The following CSTPP1 variants were observed in gnomAD, a reference collection of about 807,000 sequenced individuals.
CSTPP1 encodes the protein UPF0705 protein C11orf49.
the CSTPP1 span, among the ~76,000 whole-genome samples, chr11:47,087,053 T>C: frequency 6.6e-6 from 1 of 152,170 alleles, no homozygotes; most frequent in African/African-American, 2.4e-5. Flanking sequence ...CTGGATGATA[T>C]AGGCTGGTTG....
chr11:47,043,739 C>T, the CSTPP1 span, among the ~76,000 whole-genome samples: 2 of 152,028 alleles, frequency 1.3e-5, no homozygotes, highest in African/African-American at 4.8e-5. Flanking sequence ...CACCTGTAAT[C>T]CTGGCATTTT....
chr11:47,082,844 G>C, the CSTPP1 span, among the ~76,000 whole-genome samples: 1 of 152,116 alleles, frequency 6.6e-6, no homozygotes, highest in African/African-American at 2.4e-5. Context: ...ATGGGCTTCT[G>C]TATTTGGTTT....
chr11:46,937,700 G>A, the CSTPP1 span, among the ~76,000 whole-genome samples: 11 of 152,102 alleles, frequency 7.2e-5, no homozygotes, highest in Non-Finnish European at 1.3e-4. Context: ...ACCTCGCCCG[G>A]CTACTTTTTT....
the CSTPP1 span, among the ~76,000 whole-genome samples, chr11:47,140,457 CTGT>C: frequency 6.6e-6 from 1 of 152,176 alleles, no homozygotes; most frequent in East Asian, 1.9e-4. Flanking sequence ...GAATCTCACT[CTGT>C]AGCCCAGGCT....
At chr11:46,963,541 G>A in the CSTPP1 span, among the ~76,000 whole-genome samples, 6 of 151,968 alleles carry the variant, frequency 3.9e-5, no homozygotes, top group South Asian at 2.1e-4. Context: ...GGCCGGGCGC[G>A]AGAAGGCCTG....
At chr11:47,066,712 T>C in the CSTPP1 span, among the ~76,000 whole-genome samples, 1 of 152,244 alleles carries the variant, frequency 6.6e-6, no homozygotes, top group African/African-American at 2.4e-5. Flanking sequence ...TTTTAATTCA[T>C]GGTCGGAGGA....
chr11:47,131,520 A>T, the CSTPP1 span, among the ~76,000 whole-genome samples: 1 of 152,258 alleles, frequency 6.6e-6, no homozygotes, highest in Non-Finnish European at 1.5e-5. Flanking sequence ...AAGTAAATTC[A>T]TCTAACACTC....
the CSTPP1 span, among the ~76,000 whole-genome samples, chr11:47,163,694 G>A: frequency 6.6e-6 from 1 of 152,070 alleles, no homozygotes; most frequent in Non-Finnish European, 1.5e-5. Context: ...CCAAGCTGGG[G>A]TGCAGTGGCG....
the CSTPP1 span, among the ~76,000 whole-genome samples, chr11:47,036,369 G>A: frequency 9.7e-6 from 1 of 103,602 alleles, no homozygotes; most frequent in Non-Finnish European, 2.2e-5. Flanking sequence ...ATAATATACC[G>A]TACTGCAGGG....
chr11:47,063,811 C>T, the CSTPP1 span, among the ~76,000 whole-genome samples: 1 of 151,992 alleles, frequency 6.6e-6, no homozygotes, highest in Non-Finnish European at 1.5e-5. Context: ...CTTTCTAGTC[C>T]CTGCTTTCCA....
chr11:47,078,871 T>C, the CSTPP1 span, among the ~76,000 whole-genome samples: 1 of 152,146 alleles, frequency 6.6e-6, no homozygotes, highest in Non-Finnish European at 1.5e-5. Flanking sequence ...AAAATGATTA[T>C]CCAGTAGCCA....
chr11:46,965,665 A>G, the CSTPP1 span, among the ~76,000 whole-genome samples: 1 of 152,250 alleles, frequency 6.6e-6, no homozygotes, highest in Non-Finnish European at 1.5e-5. Context: ...TTGCTTTTGC[A>G]TTCAGACTGT....
the CSTPP1 span, among the ~76,000 whole-genome samples, chr11:47,080,730 C>G: frequency 6.6e-6 from 1 of 151,890 alleles, no homozygotes; most frequent in African/African-American, 2.4e-5. Flanking sequence ...TAATAAGGGC[C>G]AGGTGCAGTG....
At chr11:46,997,503 TC>T in the CSTPP1 span, among the ~76,000 whole-genome samples, 1 of 152,330 alleles carries the variant, frequency 6.6e-6, no homozygotes, top group South Asian at 2.1e-4. Context: ...GATTCGGACA[TC>T]CTCCTTTAGC....
the CSTPP1 span, among the ~76,000 whole-genome samples, chr11:47,149,363 CCTCTGGCAGGA>C: frequency 6.6e-6 from 1 of 152,192 alleles, no homozygotes; most frequent in Non-Finnish European, 1.5e-5. Context: ...TAGCAGAAGG[CCTCTGGCAGGA>C]AGGGGTGTTG....
At chr11:47,151,925 C>G in the CSTPP1 span, among the ~76,000 whole-genome samples, 3 of 151,758 alleles carry the variant, frequency 2.0e-5, no homozygotes, top group Non-Finnish European at 4.4e-5. Context: ...AAGACCCACC[C>G]GTAGGACTGT....
At chr11:46,960,952 C>T in the CSTPP1 span, among the ~76,000 whole-genome samples, 72 of 152,302 alleles carry the variant, frequency 4.7e-4, no homozygotes, top group African/African-American at 1.6e-3. Context: ...GGGTACATCA[C>T]ATTTTGTTTA....
At chr11:47,029,594 C>T in the CSTPP1 span, among the ~76,000 whole-genome samples, 2 of 149,598 alleles carry the variant, frequency 1.3e-5, no homozygotes, top group East Asian at 2.0e-4. Context: ...CCAGCCTGGG[C>T]GACAGAGTGA....
At chr11:47,161,723 C>G in the CSTPP1 span, 22 of 1,502,530 alleles carry the variant, frequency 1.5e-5, no homozygotes, top group South Asian at 2.9e-4. Context: ...TCTCCAGCAC[C>G]TTGCTGTGCT....
Sources: gnomAD v4.1 joint callset for allele counts (sites outside exome capture counted in the v4.1 genomes callset) on GRCh38, gnomAD v4.1.1 for gene constraint, MANE v1.5 for transcripts, NCBI Gene and HGNC (gene_info 2026-07-23, HGNC 2026-07-21) for gene names.